Variants in CNTNAP2 observed in about 807,000 individuals in gnomAD.
The protein encoded by CNTNAP2 is contactin-associated protein-like 2.
A neutral mutation model predicts 155.2 loss-of-function variants in CNTNAP2; 98 were observed. The observed-to-expected ratio is 0.63, with a 90% CI of 0.54 to 0.75. The LOEUF (loss-of-function observed/expected upper bound fraction) is 0.75. CNTNAP2 is among the 30% of genes least tolerant of loss of function. The probability of loss-of-function intolerance (pLI) is 0.00; values close to 1 mark genes in which losing one functional copy is unlikely to be tolerated. For missense variants in CNTNAP2, 1,727 were observed against 1,688.1 expected, an observed-to-expected ratio of 1.02 and a Z score of -0.40; for synonymous variants, 651 against 631.2, an observed-to-expected ratio of 1.03 and a Z score of -0.47.
chr7:148,310,517 T>C (rs939794326), intron 21 of CNTNAP2, among the ~76,000 whole-genome samples: 2 of 151,848 alleles, frequency 1.3e-5, no homozygotes, highest in Non-Finnish European at 2.9e-5. Context: ...AGAGCAATAG[T>C]AGAGGCAGAA....
intron 10 of CNTNAP2, among the ~76,000 whole-genome samples, chr7:147,433,389 A>C (rs527332911): frequency 6.6e-6 from 1 of 152,270 alleles, no homozygotes; most frequent in East Asian, 1.9e-4. Flanking sequence ...AGTTGTAGAC[A>C]ATCTATAGTA....
At chr7:147,373,876 A>T (rs1276245970) in intron 9 of CNTNAP2, among the ~76,000 whole-genome samples, 1 of 152,038 alleles carries the variant, frequency 6.6e-6, no homozygotes, top group African/African-American at 2.4e-5. Context: ...GAAGATATAC[A>T]TTGGAGATGG....
chr7:146,974,752 A>G (rs1364612600), intron 3 of CNTNAP2, among the ~76,000 whole-genome samples: 1 of 152,088 alleles, frequency 6.6e-6, no homozygotes, highest in South Asian at 2.1e-4. Flanking sequence ...TAATCCCAGC[A>G]TTTTGGGAGG....
At chr7:148,243,799 A>G (rs1480221763) in intron 20 of CNTNAP2, among the ~76,000 whole-genome samples, 1 of 152,164 alleles carries the variant, frequency 6.6e-6, no homozygotes, top group Non-Finnish European at 1.5e-5. Flanking sequence ...ACAAAAAAAA[A>G]AGAAAAAAGA....
At chr7:146,411,823 TTTAC>T (rs888272878) in intron 1 of CNTNAP2, among the ~76,000 whole-genome samples, 5,116 of 123,128 alleles carry the variant, frequency 0.042, 216 homozygotes, top group African/African-American at 0.15. Context: ...ATTTTATTTA[TTTAC>T]TTATTTATTT....
chr7:147,612,680 C>T (rs185603282), intron 12 of CNTNAP2, among the ~76,000 whole-genome samples: 1 of 152,186 alleles, frequency 6.6e-6, no homozygotes, highest in African/African-American at 2.4e-5. Flanking sequence ...GAATTACAGG[C>T]GTGATCCACC....
intron 1 of CNTNAP2, among the ~76,000 whole-genome samples, chr7:146,285,130 G>A (rs1266619800): frequency 6.6e-6 from 1 of 151,978 alleles, no homozygotes; most frequent in Non-Finnish European, 1.5e-5. Context: ...TTCACAAAGA[G>A]GAACATAATT....
At chr7:146,958,131 G>T (rs1797473566) in intron 3 of CNTNAP2, among the ~76,000 whole-genome samples, 1 of 152,010 alleles carries the variant, frequency 6.6e-6, no homozygotes, top group Non-Finnish European at 1.5e-5. Flanking sequence ...GCATTTACTG[G>T]GTCTCTAACA....
At chr7:146,186,475 G>A (rs1030955222) in intron 1 of CNTNAP2, among the ~76,000 whole-genome samples, 21 of 152,042 alleles carry the variant, frequency 1.4e-4, no homozygotes, top group Admixed American at 3.9e-4. Context: ...AGTTATTGAA[G>A]TCTACATTCA....
At chr7:146,531,291 C>T (rs1019473570) in intron 1 of CNTNAP2, among the ~76,000 whole-genome samples, 1 of 152,016 alleles carries the variant, frequency 6.6e-6, no homozygotes, top group Non-Finnish European at 1.5e-5. Flanking sequence ...ACCTGATTGA[C>T]AAAATAATCT....
intron 1 of CNTNAP2, among the ~76,000 whole-genome samples, chr7:146,496,166 T>C: frequency 6.6e-6 from 1 of 152,184 alleles, no homozygotes; most frequent in East Asian, 1.9e-4. Context: ...ACATACAGCC[T>C]TCTTGGGTGA....
At chr7:148,177,725 C>T (rs1051007525) in intron 18 of CNTNAP2, among the ~76,000 whole-genome samples, 1 of 152,156 alleles carries the variant, frequency 6.6e-6, no homozygotes, top group African/African-American at 2.4e-5. Flanking sequence ...CCCCAAGGTT[C>T]ACATATTAGT....
intron 22 of CNTNAP2, among the ~76,000 whole-genome samples, chr7:148,394,775 G>A (rs1799429663): frequency 1.3e-5 from 2 of 152,228 alleles, no homozygotes; most frequent in African/African-American, 4.8e-5. Flanking sequence ...CCCAGGTGCT[G>A]CTGATGCAGC....
chr7:147,334,973 C>A (rs1795641495), intron 9 of CNTNAP2, among the ~76,000 whole-genome samples: 1 of 152,146 alleles, frequency 6.6e-6, no homozygotes, highest in Non-Finnish European at 1.5e-5. Context: ...TCACAGAGTA[C>A]CACATGCTAT....
chr7:148,140,506 C>A (rs1458075449), intron 16 of CNTNAP2, among the ~76,000 whole-genome samples: 2 of 151,816 alleles, frequency 1.3e-5, no homozygotes, highest in Non-Finnish European at 2.9e-5. Flanking sequence ...TCACCACAAC[C>A]TCCACCTCCC....
chr7:147,771,963 C>T (rs1026506619), intron 13 of CNTNAP2, among the ~76,000 whole-genome samples: 1 of 151,796 alleles, frequency 6.6e-6, no homozygotes, highest in African/African-American at 2.4e-5. Flanking sequence ...ACTAATTTAC[C>T]ATTCCCTTAT....
At chr7:147,607,146 G>A (rs1397048169) in intron 12 of CNTNAP2, among the ~76,000 whole-genome samples, 2 of 152,164 alleles carry the variant, frequency 1.3e-5, no homozygotes, top group African/African-American at 2.4e-5. Context: ...CTGCTGCAGT[G>A]ACTAGAGACT....
At chr7:148,144,428 G>A (rs926511215) in intron 16 of CNTNAP2, among the ~76,000 whole-genome samples, 4 of 152,230 alleles carry the variant, frequency 2.6e-5, no homozygotes, top group Admixed American at 6.5e-5. Context: ...GCAAGGGAAA[G>A]CAATGTGAAC....
chr7:146,270,767 T>A (rs1318919212), intron 1 of CNTNAP2, among the ~76,000 whole-genome samples: 2 of 152,102 alleles, frequency 1.3e-5, no homozygotes, highest in African/African-American at 4.8e-5. Context: ...CTGACTAAAT[T>A]ATAACATTTT....
Sources: allele counts gnomAD v4.1 joint callset (sites outside exome capture counted in the v4.1 genomes callset), GRCh38; gene constraint gnomAD v4.1.1; transcripts MANE v1.5; gene names NCBI Gene and HGNC (gene_info 2026-07-23, HGNC 2026-07-21).